ZHX3: variants seen among roughly 807,000 people sequenced by gnomAD.
ZHX3 encodes zinc fingers and homeoboxes 3.
A neutral mutation model predicts 64.5 loss-of-function variants in ZHX3; 20 were observed. That is an observed-to-expected ratio of 0.31 (90% CI 0.22 to 0.45). The LOEUF is 0.45. Among genes scored for constraint, ZHX3 ranks in the 20% least tolerant of loss-of-function variants. The pLI is 1.00. For synonymous variants in ZHX3, 423 were observed against 461.6 expected (o/e 0.92, Z 1.07); for missense variants, 1,041 against 1,195.8 (o/e 0.87, Z 1.91).
chr20:41,257,559 C>T (rs964150022), intron 2 of ZHX3, among the ~76,000 whole-genome samples: 2 of 151,644 alleles, frequency 1.3e-5, no homozygotes, highest in African/African-American at 4.8e-5. Context: ...CACAATGACT[C>T]TTAAAAGTGA....
At chr20:41,303,092 T>C (rs895382013) in intron 1 of ZHX3, among the ~76,000 whole-genome samples, 1 of 152,280 alleles carries the variant, frequency 6.6e-6, no homozygotes, top group Non-Finnish European at 1.5e-5. Context: ...ATACTATTGT[T>C]ATTAACAATT....
intron 1 of ZHX3, among the ~76,000 whole-genome samples, chr20:41,282,376 T>TTTTTTC (rs2043726454): frequency 6.9e-6 from 1 of 145,120 alleles, no homozygotes; most frequent in Non-Finnish European, 1.5e-5. Context: ...TTTTTTTTTT[T>TTTTTTC]TTTTGCGAAG....
intron 3 of ZHX3, chr20:41,188,423 T>C (rs1340588546): frequency 1.4e-5 from 2 of 147,382 alleles, no homozygotes; most frequent in Non-Finnish European, 3.0e-5. Context: ...TTTTTTTTTT[T>C]TGGACACAGG....
intron 1 of ZHX3, among the ~76,000 whole-genome samples, chr20:41,315,276 G>A (rs1183529645): frequency 6.6e-5 from 10 of 150,890 alleles, no homozygotes; most frequent in South Asian, 2.1e-4. Flanking sequence ...TCCGCATCCC[G>A]GGTTCAAGCA....
chr20:41,245,019 G>A (rs974181073), intron 2 of ZHX3, among the ~76,000 whole-genome samples: 3 of 152,172 alleles, frequency 2.0e-5, no homozygotes, highest in South Asian at 2.1e-4. Flanking sequence ...TCACAAAAAG[G>A]ACCATGTTTC....
intron 2 of ZHX3, among the ~76,000 whole-genome samples, chr20:41,265,454 G>A (rs1288520396): frequency 6.6e-6 from 1 of 152,122 alleles, no homozygotes; most frequent in East Asian, 1.9e-4. Context: ...CTCCTACCTC[G>A]GCCTCCCAAA....
intron 2 of ZHX3, among the ~76,000 whole-genome samples, chr20:41,242,799 T>C (rs570125217): frequency 2.0e-5 from 3 of 152,308 alleles, no homozygotes; most frequent in East Asian, 1.9e-4. Flanking sequence ...AAATACTAGA[T>C]AGTACTTCCA....
Position 41,317,158 on chromosome 20 carries a change from CT to C in ZHX3, c.-245+350del, listed in dbSNP as rs76940914. ...GCCTGCGCGAACGCCCCCGCTTCCC[CT>C]CTACCACCCCCTTTTGCGCCTTCTA... On this transcript the variant is annotated intron_variant, in intron 1 of 3. Transcript: ENST00000683867. 0.041 allele frequency: 6,334 copies of C among 153,160 alleles called. 765 individuals are homozygous for C. The East Asian group carries it at 0.48, about 12-fold the overall frequency. 9.5% of individuals were successfully genotyped at this position (153,160 alleles called of 1,614,324 possible). A position where few individuals can be genotyped will look rare whatever the true frequency, so the allele number is the denominator to read the frequency against.
chr20:41,255,575 C>T (rs1456094571), intron 2 of ZHX3, among the ~76,000 whole-genome samples: 1 of 152,156 alleles, frequency 6.6e-6, no homozygotes, highest in African/African-American at 2.4e-5. Flanking sequence ...TTATCCACTG[C>T]ACTCTTTATA....
chr20:41,238,992 C>CTTTTT lies in ZHX3; in HGVS notation c.-151+29993_-151+29997dup, dbSNP rs36076017. ...GAAAACAAGGGCCTATTTTCTCTCTCTTTTTTTTTTTTTTTTTTTTTTTTT... is the reference window on the plus strand; with the variant it reads ...GAAAACAAGGGCCTATTTTCTCTCTCTTTTTTTTTTTTTTTTTTTTTTTTTTTTTT... On this transcript the variant is annotated intron_variant, in intron 2 of 3. Transcript: ENST00000683867. 3.0e-4 allele frequency among the ~76,000 whole-genome samples: 26 copies of CTTTTT among 86,300 alleles called. 1 individual carries two copies. The highest frequency in any genetic ancestry group is 3.5e-4 in the African/African-American group (7 of 20,020). The allele number at this position is 86,300 out of a possible 152,430, so 56.6% of individuals were successfully genotyped here.
rs774854193 is a variant in ZHX3 at position 41,228,888 on chromosome 20, T to C, written c.-150-23822A>G. Among the ~76,000 whole-genome samples, 6 of 152,228 alleles carry C rather than the reference T, an allele frequency of 3.9e-5. No homozygotes were observed. Among genetic ancestry groups the C allele is most frequent in the Non-Finnish European group, 8.8e-5 (6 of 68,044 alleles). On this transcript the variant is annotated intron_variant, in intron 2 of 3. Transcript: ENST00000683867. This position sits in a 1 kb window ranked among gnomAD's most constrained non-coding sequence, Gnocchi z 4.6. ...CATCTTTTCTTGGTAGAGGGACTTTTAGAAATTGTGGTAAAATACACATAA... is the reference window on the plus strand; with the variant it reads ...CATCTTTTCTTGGTAGAGGGACTTTCAGAAATTGTGGTAAAATACACATAA...
chr20:41,212,552 C>T lies in ZHX3; in HGVS notation c.-150-7486G>A, dbSNP rs2039234334. ...GTGGCTCACACCTGTAATCCTAGCA[C>T]TTTGGGAGGCCAAGGCGGGCGGATC... On this transcript the variant is annotated intron_variant, in intron 2 of 3. Transcript: ENST00000683867. The surrounding 1 kb of genome is among the most constrained non-coding windows in gnomAD (Gnocchi z 4.3). Among the ~76,000 whole-genome samples, 1 of 152,188 alleles carries T rather than the reference C, an allele frequency of 6.6e-6. No homozygotes were observed. Among genetic ancestry groups the T allele is most frequent in the African/African-American group, 2.4e-5 (1 of 41,434 alleles).
At chr20:41,210,711 G>A (rs1350775693) in intron 2 of ZHX3, among the ~76,000 whole-genome samples, 1 of 152,052 alleles carries the variant, frequency 6.6e-6, no homozygotes, top group Non-Finnish European at 1.5e-5. Context: ...GTGGGGAGAG[G>A]GACAGCATTA....
chr20:41,223,161 A>G (rs377688927), intron 2 of ZHX3, among the ~76,000 whole-genome samples: 1 of 152,202 alleles, frequency 6.6e-6, no homozygotes, highest in Non-Finnish European at 1.5e-5. Flanking sequence ...ATTGGATAAT[A>G]ATATCCTGAG....
intron 2 of ZHX3, among the ~76,000 whole-genome samples, chr20:41,249,557 C>T (rs905986102): frequency 2.0e-5 from 3 of 152,204 alleles, no homozygotes; most frequent in Non-Finnish European, 4.4e-5. Flanking sequence ...CCAGGCCCAT[C>T]AGTCTGTGGA....
At chr20:41,218,923 GTTTTTTTTTTT>G (rs888061526) in intron 2 of ZHX3, among the ~76,000 whole-genome samples, 6 of 92,576 alleles carry the variant, frequency 6.5e-5, no homozygotes, top group African/African-American at 2.6e-4. Flanking sequence ...AAACAGTGCT[GTTTTTTTTTTT>G]TTTTTTTTTT....
At chr20:41,306,710 T>C (rs1205196466) in intron 1 of ZHX3, among the ~76,000 whole-genome samples, 1 of 152,244 alleles carries the variant, frequency 6.6e-6, no homozygotes, top group Non-Finnish European at 1.5e-5. Flanking sequence ...GCTTTTTAAA[T>C]GGTATTGTCA....
intron 1 of ZHX3, among the ~76,000 whole-genome samples, chr20:41,299,110 T>C (rs1345232192): frequency 1.3e-5 from 2 of 152,218 alleles, no homozygotes; most frequent in Non-Finnish European, 2.9e-5. Flanking sequence ...GTGCAGCTCC[T>C]ATGTGCCAGC....
chr20:41,178,481 A>T lies in ZHX3; in HGVS notation c.*6710T>A, dbSNP rs1185299124. 6.6e-6 allele frequency: 1 copy of T among 152,622 alleles called. No individual in the cohort carries two copies. Among genetic ancestry groups the T allele is most frequent in the Non-Finnish European group, 1.5e-5 (1 of 68,052 alleles). The allele number at this position is 152,622 out of a possible 1,614,324, so 9.5% of individuals were successfully genotyped here. A position where few individuals can be genotyped will look rare whatever the true frequency, so the allele number is the denominator to read the frequency against. ...ATATTTATGTTTTTATTTAGGAATAATCAAAAGGTTTGAAGTACCATTGAG... is the reference window on the plus strand; with the variant it reads ...ATATTTATGTTTTTATTTAGGAATATTCAAAAGGTTTGAAGTACCATTGAG... On this transcript the variant is annotated 3_prime_UTR_variant, in exon 4 of 4. Coordinates refer to ENST00000683867, the MANE Select transcript of ZHX3 (RefSeq NM_001384317.1).
Sources: gnomAD v4.1 joint callset for allele counts (sites outside exome capture counted in the v4.1 genomes callset) on GRCh38, gnomAD v4.1.1 for gene constraint, Gnocchi (gnomAD v3.1) non-coding constraint, MANE v1.5 for transcripts, NCBI Gene and HGNC (gene_info 2026-07-23, HGNC 2026-07-21) for gene names.